The following DGKI variants were observed in gnomAD, a reference collection of about 807,000 sequenced individuals.
DGKI encodes DAG kinase iota.
In DGKI, 55 loss-of-function variants were observed where a neutral mutation model predicts 147.5. The observed-to-expected ratio is 0.37, with a 90% CI of 0.30 to 0.47. DGKI has a LOEUF of 0.47. Among genes scored for constraint, DGKI ranks in the 20% least tolerant of loss-of-function variants. The probability of loss-of-function intolerance (pLI) is 1.00; values close to 1 mark genes in which losing one functional copy is unlikely to be tolerated. For missense variants in DGKI, 1,007 were observed against 1,323.8 expected, an observed-to-expected ratio of 0.76 and a Z score of 3.71; for synonymous variants, 469 against 477.1, an observed-to-expected ratio of 0.98 and a Z score of 0.22.
At chr7:137,661,440 T>C (rs1447200834) in intron 3 of DGKI, among the ~76,000 whole-genome samples, 2 of 151,490 alleles carry the variant, frequency 1.3e-5, no homozygotes, top group East Asian at 1.9e-4. Context: ...AAACCAACAA[T>C]ACTGTGAGTG....
At chr7:137,615,231 C>T (rs79722783) in intron 8 of DGKI, among the ~76,000 whole-genome samples, 596 of 152,072 alleles carry the variant, frequency 3.9e-3, no homozygotes, top group African/African-American at 0.014. Flanking sequence ...GCAAACCTTC[C>T]GAGATAGTAG....
intron 19 of DGKI, 140 bp downstream of exon 19, chr7:137,571,035 T>C (rs1818776524): frequency 1.7e-6 from 1 of 597,930 alleles, no homozygotes; most frequent in South Asian, 2.9e-5. Flanking sequence ...TTTTTTTTCT[T>C]GTTTTTCCTA....
At chr7:137,643,585 T>C (rs1821725520) in intron 6 of DGKI, among the ~76,000 whole-genome samples, 1 of 152,156 alleles carries the variant, frequency 6.6e-6, no homozygotes, top group Non-Finnish European at 1.5e-5. Flanking sequence ...GCAATATTTT[T>C]GAAACATGAT....
intron 20 of DGKI, among the ~76,000 whole-genome samples, chr7:137,550,906 A>C (rs950630131): frequency 6.6e-6 from 1 of 152,202 alleles, no homozygotes; most frequent in Non-Finnish European, 1.5e-5. Flanking sequence ...CCCTTGGTCC[A>C]TTTAACTCTA....
chr7:137,473,295 A>G (rs1008525734), intron 23 of DGKI, among the ~76,000 whole-genome samples: 1 of 152,178 alleles, frequency 6.6e-6, no homozygotes, highest in African/African-American at 2.4e-5. Context: ...TCGTCTAAAG[A>G]TAACATTACA....
At chr7:137,770,895 T>C (rs1796174179) in intron 1 of DGKI, among the ~76,000 whole-genome samples, 1 of 152,072 alleles carries the variant, frequency 6.6e-6, no homozygotes, top group African/African-American at 2.4e-5. Flanking sequence ...AATTTCAAGA[T>C]CATATAGTCT....
At chr7:137,424,362 T>G (rs1427504850) in intron 28 of DGKI, among the ~76,000 whole-genome samples, 1 of 152,184 alleles carries the variant, frequency 6.6e-6, no homozygotes. Flanking sequence ...AAACCTTCAT[T>G]CTTCATAGGA....
At chr7:137,633,908 C>T (rs1821222146) in intron 6 of DGKI, among the ~76,000 whole-genome samples, 1 of 152,160 alleles carries the variant, frequency 6.6e-6, no homozygotes, top group Non-Finnish European at 1.5e-5. Flanking sequence ...TTCTGTAGAA[C>T]ATCATTTGGT....
intron 28 of DGKI, among the ~76,000 whole-genome samples, chr7:137,436,117 G>A (rs1227722529): frequency 1.3e-5 from 2 of 152,060 alleles, no homozygotes; most frequent in Non-Finnish European, 2.9e-5. Context: ...AGTCATCATG[G>A]TCATAATAAT....
intron 21 of DGKI, among the ~76,000 whole-genome samples, chr7:137,500,572 A>G (rs1189675217): frequency 6.6e-6 from 1 of 152,192 alleles, no homozygotes; most frequent in African/African-American, 2.4e-5. Flanking sequence ...AAACATAACA[A>G]AATATAATTT....
chr7:137,556,535 A>G (rs367889463), intron 19 of DGKI, among the ~76,000 whole-genome samples: 2 of 152,300 alleles, frequency 1.3e-5, no homozygotes, highest in Admixed American at 6.5e-5. Flanking sequence ...TTAAAAAACC[A>G]ATAGTATTCT....
intron 28 of DGKI, among the ~76,000 whole-genome samples, chr7:137,438,205 T>G (rs1813355391): frequency 6.6e-6 from 1 of 151,906 alleles, no homozygotes. Context: ...ATAGAATACA[T>G]TAAAAAGTTC....
chr7:137,726,093 A>G (rs956238289), intron 1 of DGKI, among the ~76,000 whole-genome samples: 23 of 152,146 alleles, frequency 1.5e-4, no homozygotes, highest in Admixed American at 6.6e-5. Context: ...CTCACCCTGA[A>G]GATCCTTTAT....
intron 1 of DGKI, among the ~76,000 whole-genome samples, chr7:137,736,370 A>C (rs1267519836): frequency 6.6e-6 from 1 of 152,068 alleles, no homozygotes; most frequent in African/African-American, 2.4e-5. Context: ...AATAAACCTG[A>C]ATTTCAGACA....
chr7:137,518,985 A>G (rs1442294635), intron 21 of DGKI, among the ~76,000 whole-genome samples: 2 of 151,986 alleles, frequency 1.3e-5, no homozygotes, highest in Non-Finnish European at 2.9e-5. Flanking sequence ...CTTAAGTTGA[A>G]TAGACTGTCC....
In DGKI at chr7:137,689,981, G is replaced by T. The variant is rs1351067394; in HGVS notation, c.423C>A (p.Gly141=). The change falls in exon 2 of 33, where the codon GGC becomes GGA. Residue 141 remains glycine, a synonymous_variant. Coordinates refer to ENST00000614521, the MANE Select transcript of DGKI (RefSeq NM_001321708.2). ...VSYRKAISRA[G]LQHLAPAHPL... ...GATGTGCAGGAGCCAGATGCTGGAG[G>T]CCTGCCCGGGAGATTGCTTTCCTGC... is the stretch of plus-strand genomic sequence containing the variant. The T allele has an allele frequency of 1.2e-6, 2 of 1,605,546 alleles. No individual in the cohort carries two copies. The highest frequency in any genetic ancestry group is 1.7e-6 in the Non-Finnish European group (2 of 1,176,998).
rs1247735603 is a variant in DGKI, at chr7:137,383,461, G to A, written c.*7759C>T. On this transcript the variant is annotated 3_prime_UTR_variant, in exon 33 of 33. Coordinates refer to ENST00000614521, the MANE Select transcript of DGKI (RefSeq NM_001321708.2). ...TTGCTATCTAGTTGGCAGGAACCTGGGGGAAAAAAATAGGCTCAAATTGAG... is the reference window on the plus strand; with the variant it reads ...TTGCTATCTAGTTGGCAGGAACCTGAGGGAAAAAAATAGGCTCAAATTGAG... 6.6e-6 allele frequency: 1 copy of A among 151,444 alleles called. No homozygotes were observed. The highest frequency in any genetic ancestry group is 1.5e-5 in the Non-Finnish European group (1 of 67,792). 9.4% of individuals were successfully genotyped at this position (151,444 alleles called of 1,614,324 possible).
At chr7:137,423,748 A>G (rs996337302) in intron 28 of DGKI, among the ~76,000 whole-genome samples, 4 of 152,244 alleles carry the variant, frequency 2.6e-5, no homozygotes, top group Non-Finnish European at 5.9e-5. Flanking sequence ...AGCAAAGGTC[A>G]TGTTCAGAGA....
chr7:137,412,748 A>G (rs554805066), intron 28 of DGKI, among the ~76,000 whole-genome samples: 22 of 152,284 alleles, frequency 1.4e-4, no homozygotes, highest in African/African-American at 5.3e-4. Context: ...ATAAATACCT[A>G]TTGCTATGAA....
Sources: allele counts gnomAD v4.1 joint callset (sites outside exome capture counted in the v4.1 genomes callset), GRCh38; gene constraint gnomAD v4.1.1; transcripts MANE v1.5; gene names NCBI Gene and HGNC (gene_info 2026-07-23, HGNC 2026-07-21).